FHIT: variants seen among roughly 807,000 people sequenced by gnomAD.
The protein encoded by FHIT is fragile histidine triad diadenosine triphosphatase.
FHIT carries 19 observed loss-of-function variants against 17.9 expected under a neutral mutation model. That is an observed-to-expected ratio of 1.06 (90% CI 0.74 to 1.56). FHIT has a LOEUF of 1.56. Ranked by LOEUF, FHIT falls within the 40% of genes most tolerant of loss-of-function variation. The pLI, the probability that FHIT is intolerant of heterozygous loss-of-function variation, is 0.00. For synonymous variants in FHIT, 81 were observed against 69.7 expected (o/e 1.16, Z -0.81); for missense variants, 248 against 189.2 (o/e 1.31, Z -1.82).
chr3:61,182,802 G>A (rs756563390), intron 2 of FHIT, among the ~76,000 whole-genome samples: 2 of 152,136 alleles, frequency 1.3e-5, no homozygotes, highest in Non-Finnish European at 2.9e-5. Flanking sequence ...GGGTACAAAA[G>A]AGCAGACAGT....
At chr3:60,310,769 A>C (rs1708906422) in intron 5 of FHIT, among the ~76,000 whole-genome samples, 1 of 152,164 alleles carries the variant, frequency 6.6e-6, no homozygotes, top group South Asian at 2.1e-4. Flanking sequence ...TTTGAAATTT[A>C]TTTCAAACTT....
intron 5 of FHIT, among the ~76,000 whole-genome samples, chr3:60,095,595 G>A (rs1340399073): frequency 6.6e-6 from 1 of 152,208 alleles, no homozygotes; most frequent in African/African-American, 2.4e-5. Flanking sequence ...TTGTTCACAA[G>A]ACGACCAAGC....
At chr3:60,238,179 A>G (rs906976513) in intron 5 of FHIT, among the ~76,000 whole-genome samples, 48 of 151,578 alleles carry the variant, frequency 3.2e-4, no homozygotes, top group African/African-American at 1.1e-3. Context: ...TGTATCAGCA[A>G]CAAATACAAA....
At chr3:60,173,471 G>C (rs111579911) in intron 5 of FHIT, among the ~76,000 whole-genome samples, 165 of 152,138 alleles carry the variant, frequency 1.1e-3, no homozygotes, top group African/African-American at 3.8e-3. Context: ...CTGCTCTTAG[G>C]AGTTTATTTC....
At chr3:60,322,613 T>C (rs1348236779) in intron 5 of FHIT, among the ~76,000 whole-genome samples, 2 of 152,176 alleles carry the variant, frequency 1.3e-5, no homozygotes, top group African/African-American at 4.8e-5. Flanking sequence ...GATGTGTTAT[T>C]TGTAACACCT....
intron 5 of FHIT, among the ~76,000 whole-genome samples, chr3:60,162,528 G>A (rs1027074880): frequency 6.6e-6 from 1 of 151,990 alleles, no homozygotes; most frequent in African/African-American, 2.4e-5. Flanking sequence ...ATAGTAGTGG[G>A]GCATCTGGTT....
intron 5 of FHIT, among the ~76,000 whole-genome samples, chr3:60,490,277 GTTACA>G (rs1414427071): frequency 6.6e-6 from 1 of 151,866 alleles, no homozygotes; most frequent in African/African-American, 2.4e-5. Context: ...TTAAAAAGAT[GTTACA>G]TTAGACATCG....
At chr3:59,922,229 G>T in intron 8 of FHIT, 117 bp downstream of exon 8, 1 of 934,994 alleles carries the variant, frequency 1.1e-6, no homozygotes, top group South Asian at 1.5e-5. Flanking sequence ...TTCCAAGTCT[G>T]GCTAAATAGA....
At chr3:60,107,710 A>G (rs973657578) in intron 5 of FHIT, among the ~76,000 whole-genome samples, 1 of 152,182 alleles carries the variant, frequency 6.6e-6, no homozygotes, top group African/African-American at 2.4e-5. Flanking sequence ...AGTTTCACTT[A>G]AGCTTTGCAA....
At chr3:60,437,728 T>A (rs530093388) in intron 5 of FHIT, among the ~76,000 whole-genome samples, 1 of 152,242 alleles carries the variant, frequency 6.6e-6, no homozygotes, top group South Asian at 2.1e-4. Context: ...TATAAATTCA[T>A]ATTTATGTTA....
intron 8 of FHIT, among the ~76,000 whole-genome samples, chr3:59,757,478 T>TG (rs11422969): frequency 0.15 from 22,886 of 152,120 alleles, 2,069 homozygotes; most frequent in African/African-American, 0.25. Context: ...ACAAGGTATA[T>TG]GGGGTAATGA....
intron 4 of FHIT, among the ~76,000 whole-genome samples, chr3:60,625,758 T>C (rs2039267663): frequency 6.9e-6 from 1 of 145,732 alleles, no homozygotes; most frequent in African/African-American, 2.4e-5. Flanking sequence ...TTTTTCCATT[T>C]GTTGCTTGTG....
chr3:60,140,328 G>C (rs1042961779), intron 5 of FHIT, among the ~76,000 whole-genome samples: 3 of 152,102 alleles, frequency 2.0e-5, no homozygotes, highest in African/African-American at 7.2e-5. Context: ...ATTCACATGA[G>C]GGGTATGACC....
chr3:60,419,627 G>T (rs1350062894), intron 5 of FHIT, among the ~76,000 whole-genome samples: 1 of 152,154 alleles, frequency 6.6e-6, no homozygotes, highest in Non-Finnish European at 1.5e-5. Flanking sequence ...ATTAGCACAT[G>T]TGTGGTGTGT....
chr3:60,080,629 C>A (rs887384599), intron 5 of FHIT, among the ~76,000 whole-genome samples: 3 of 152,050 alleles, frequency 2.0e-5, no homozygotes, highest in African/African-American at 7.2e-5. Context: ...TGGCTGGAGA[C>A]TGCACGAAAT....
intron 4 of FHIT, among the ~76,000 whole-genome samples, chr3:60,651,322 C>G (rs1188718265): frequency 1.3e-5 from 2 of 152,008 alleles, no homozygotes; most frequent in Non-Finnish European, 2.9e-5. Context: ...CATAGAAGTA[C>G]CCATTTTATA....
chr3:60,480,761 C>G (rs776636722), intron 5 of FHIT, among the ~76,000 whole-genome samples: 3 of 152,224 alleles, frequency 2.0e-5, no homozygotes, highest in Non-Finnish European at 4.4e-5. Context: ...GCAGCTCTAC[C>G]TCTCTGACTC....
intron 4 of FHIT, among the ~76,000 whole-genome samples, chr3:60,642,102 C>T (rs1049444557): frequency 7.9e-5 from 12 of 151,668 alleles, no homozygotes; most frequent in African/African-American, 2.9e-4. Context: ...CATCCCCCAT[C>T]TCTCTCTCTC....
At chr3:60,374,765 G>T (rs867929811) in intron 5 of FHIT, among the ~76,000 whole-genome samples, 1 of 152,056 alleles carries the variant, frequency 6.6e-6, no homozygotes, top group East Asian at 1.9e-4. Flanking sequence ...CCAACATTTA[G>T]AATATTTTCT....
Sources: gnomAD v4.1 joint callset for allele counts (sites outside exome capture counted in the v4.1 genomes callset) on GRCh38, gnomAD v4.1.1 for gene constraint, MANE v1.5 for transcripts, NCBI Gene and HGNC (gene_info 2026-07-23, HGNC 2026-07-21) for gene names.